Variants in RBFOX1 observed in about 807,000 individuals in gnomAD.
RBFOX1 encodes the protein RNA binding protein fox-1 homolog 1.
RBFOX1 carries 8 observed loss-of-function variants against 57.7 expected under a neutral mutation model. That is an observed-to-expected ratio of 0.14 (90% confidence interval 0.08 to 0.25). The LOEUF is 0.25. RBFOX1 is among the 10% of genes least tolerant of loss of function. The pLI, the probability that RBFOX1 is intolerant of heterozygous loss-of-function variation, is 1.00. For synonymous variants in RBFOX1, 326 were observed against 222.4 expected (o/e 1.47, Z -4.15); for missense variants, 611 against 548.5 (o/e 1.11, Z -1.14).
chr16:7,052,346 C>T (rs960008522), intron 4 of RBFOX1, among the ~76,000 whole-genome samples: 2 of 152,132 alleles, frequency 1.3e-5, no homozygotes, highest in African/African-American at 4.8e-5. Flanking sequence ...TACTTTTCTT[C>T]TGGAATTTGT....
At chr16:6,398,581 A>G (rs34347914) in intron 2 of RBFOX1, among the ~76,000 whole-genome samples, 54,408 of 152,046 alleles carry the variant, frequency 0.36, 9,937 homozygotes, top group East Asian at 0.56. Context: ...ATGTGAGTCC[A>G]AAATCCATTA....
chr16:6,608,546 T>C (rs1219181339), intron 2 of RBFOX1, among the ~76,000 whole-genome samples: 3 of 152,160 alleles, frequency 2.0e-5, no homozygotes, highest in Non-Finnish European at 4.4e-5. Context: ...TCTAATATTT[T>C]GGAAGGCTGA....
intron 2 of RBFOX1, among the ~76,000 whole-genome samples, chr16:6,624,584 T>G (rs1253350969): frequency 6.6e-6 from 1 of 152,170 alleles, no homozygotes; most frequent in Non-Finnish European, 1.5e-5. Flanking sequence ...ACATGATTTT[T>G]GTAAGACTGT....
chr16:7,117,293 T>G (rs574383740), intron 4 of RBFOX1, among the ~76,000 whole-genome samples: 112 of 152,288 alleles, frequency 7.4e-4, no homozygotes, highest in South Asian at 1.9e-3. Flanking sequence ...TAAAGTTATT[T>G]AATTAGAAAA....
chr16:6,706,383 A>C (rs1236428411), intron 3 of RBFOX1, among the ~76,000 whole-genome samples: 1 of 152,232 alleles, frequency 6.6e-6, no homozygotes, highest in Non-Finnish European at 1.5e-5. Context: ...CCCAATTAAT[A>C]GGTGTCTCTT....
At chr16:6,399,849 A>T (rs565092664) in intron 2 of RBFOX1, among the ~76,000 whole-genome samples, 4 of 152,334 alleles carry the variant, frequency 2.6e-5, no homozygotes, top group Admixed American at 2.0e-4. Flanking sequence ...CATGGAAGAC[A>T]CCTCTTCACA....
chr16:6,549,900 C>A (rs914801713), intron 2 of RBFOX1, among the ~76,000 whole-genome samples: 1 of 152,158 alleles, frequency 6.6e-6, no homozygotes, highest in African/African-American at 2.4e-5. Context: ...CGTACTTTGA[C>A]TACTACCCAG....
intron 4 of RBFOX1, among the ~76,000 whole-genome samples, chr16:7,176,814 C>T (rs77350419): frequency 0.02 from 3,052 of 152,122 alleles, 107 homozygotes; most frequent in African/African-American, 0.069. Flanking sequence ...ATGCACAAAA[C>T]ATCTGTGGTA....
intron 1 of RBFOX1, among the ~76,000 whole-genome samples, chr16:5,364,336 C>G (rs1299817327): frequency 6.6e-6 from 1 of 152,182 alleles, no homozygotes; most frequent in Non-Finnish European, 1.5e-5. Flanking sequence ...TTCCTTCTCT[C>G]TCTTGATGAC....
At chr16:5,944,979 AAAAAAAAAAG>A (rs1246417958) in intron 4 of RBFOX1, among the ~76,000 whole-genome samples, 6 of 134,474 alleles carry the variant, frequency 4.5e-5, no homozygotes, top group Non-Finnish European at 6.3e-5. Context: ...AAAAAAAAAA[AAAAAAAAAAG>A]AGAGAGAGAG....
chr16:7,166,901 G>GCT (rs1468733705), intron 4 of RBFOX1, among the ~76,000 whole-genome samples: 1 of 144,820 alleles, frequency 6.9e-6, no homozygotes, highest in Non-Finnish European at 1.5e-5. Flanking sequence ...CAGTAGCCTT[G>GCT]CTCTCATTTG....
At chr16:7,364,878 A>T (rs1568431875) in intron 4 of RBFOX1, among the ~76,000 whole-genome samples, 1 of 152,212 alleles carries the variant, frequency 6.6e-6, no homozygotes, top group Admixed American at 6.5e-5. Flanking sequence ...CTGTAAAAGG[A>T]TATCAAGATG....
At chr16:5,424,883 C>A (rs1443910202) in intron 1 of RBFOX1, among the ~76,000 whole-genome samples, 1 of 27,120 alleles carries the variant, frequency 3.7e-5, no homozygotes, top group Non-Finnish European at 8.5e-5. Flanking sequence ...TTTTTTCTTT[C>A]TTTCTTTCTT....
chr16:7,401,809 A>G lies in RBFOX1; in HGVS notation c.28-116338A>G, dbSNP rs185694949. On this transcript the variant is annotated intron_variant, in intron 4 of 15. Coordinates refer to ENST00000550418, the MANE Select transcript of RBFOX1 (RefSeq NM_018723.4). ...TCATAGGCCCAGCTTCTATAAGATG[A>G]TATAACCTAGCACAGGAGGCCAAAA... Among the ~76,000 whole-genome samples, 381 of 152,302 alleles carry G rather than the reference A, an allele frequency of 2.5e-3. 5 individuals are homozygous for G. The highest frequency in any genetic ancestry group is 7.5e-4 in the Non-Finnish European group (51 of 68,026).
At chr16:6,733,243 CT>C (rs938248374) in intron 3 of RBFOX1, among the ~76,000 whole-genome samples, 40 of 152,234 alleles carry the variant, frequency 2.6e-4, no homozygotes, top group African/African-American at 9.6e-4. Context: ...GGCAAACTCC[CT>C]TTTTTGAAAT....
intron 3 of RBFOX1, among the ~76,000 whole-genome samples, chr16:5,754,347 C>A (rs1207865214): frequency 6.6e-6 from 1 of 152,080 alleles, no homozygotes; most frequent in African/African-American, 2.4e-5. Flanking sequence ...ATGTTCGCTC[C>A]TATTGTTAGG....
chr16:6,614,771 G>C (rs2098119418), intron 2 of RBFOX1, among the ~76,000 whole-genome samples: 1 of 152,038 alleles, frequency 6.6e-6, no homozygotes, highest in Admixed American at 6.6e-5. Context: ...GACTTCACAT[G>C]GCCATTTTAT....
chr16:7,171,781 C>T (rs990645325), intron 4 of RBFOX1, among the ~76,000 whole-genome samples: 1 of 152,144 alleles, frequency 6.6e-6, no homozygotes, highest in Non-Finnish European at 1.5e-5. Context: ...ATCAAAGTTC[C>T]CAGGTGCTTT....
Position 5,973,574 on chromosome 16 carries a change from G to A in RBFOX1, c.351+106239G>A, listed in dbSNP as rs148198107. On this transcript the variant is annotated intron_variant, in intron 4 of 19. Transcript: ENST00000641259. ...ACTTTTGTTATTGTTAGGTTGCTTT[G>A]ATGGTTAATTTTGTGTCAGGTTGAC... Among the ~76,000 whole-genome samples the A allele has an allele frequency of 3.6e-3, 551 of 152,286 alleles. 1 individual carries two copies. The highest frequency in any genetic ancestry group is 6.9e-3 in the Admixed American group (106 of 15,304).
Sources: allele counts gnomAD v4.1 joint callset (sites outside exome capture counted in the v4.1 genomes callset), GRCh38; gene constraint gnomAD v4.1.1; transcripts MANE v1.5; gene names NCBI Gene and HGNC (gene_info 2026-07-23, HGNC 2026-07-21).